EYA4: variants seen among roughly 807,000 people sequenced by gnomAD.
The protein encoded by EYA4 is EYA transcriptional coactivator and phosphatase 4, also known as protein phosphatase EYA4.
Under a neutral mutation model 87.9 loss-of-function variants are expected in EYA4, and 31 were observed. The ratio of observed to expected loss-of-function variants is 0.35; its 90% CI spans 0.27 to 0.48. The LOEUF is 0.48. Among genes scored for constraint, EYA4 ranks in the 20% least tolerant of loss-of-function variants. The pLI is 0.99. For missense variants in EYA4, 678 were observed against 761.4 expected, an observed-to-expected ratio of 0.89 and a Z score of 1.29; for synonymous variants, 263 against 270.6, an observed-to-expected ratio of 0.97 and a Z score of 0.28.
intron 13 of EYA4, among the ~76,000 whole-genome samples, chr6:133,491,533 A>G (rs1025619543): frequency 1.2e-4 from 19 of 152,316 alleles, no homozygotes; most frequent in Admixed American, 1.2e-3. Context: ...CTACATGCCA[A>G]TAAACTGGAA....
intron 19 of EYA4, among the ~76,000 whole-genome samples, chr6:133,525,459 G>A (rs938778299): frequency 5.3e-5 from 8 of 152,158 alleles, no homozygotes; most frequent in African/African-American, 1.7e-4. Flanking sequence ...AGGAAATGCA[G>A]GGAAATTTAG....
At chr6:133,285,672 T>A (rs1013829244) in intron 2 of EYA4, among the ~76,000 whole-genome samples, 2 of 152,194 alleles carry the variant, frequency 1.3e-5, no homozygotes, top group African/African-American at 4.8e-5. Flanking sequence ...AAATAGACTA[T>A]GATGACAAGA....
chr6:133,495,830 C>G (rs938236922), intron 13 of EYA4, among the ~76,000 whole-genome samples: 4 of 152,156 alleles, frequency 2.6e-5, no homozygotes, highest in African/African-American at 9.7e-5. Flanking sequence ...GCATTTGGAA[C>G]AAATTTCCAG....
chr6:133,406,754 A>G (rs149220513), intron 3 of EYA4, among the ~76,000 whole-genome samples: 4 of 152,312 alleles, frequency 2.6e-5, no homozygotes, highest in African/African-American at 9.6e-5. Context: ...AATAATTTCC[A>G]AGTGTACTAT....
intron 2 of EYA4, among the ~76,000 whole-genome samples, chr6:133,336,989 C>CT (rs1433218220): frequency 1.3e-5 from 2 of 152,192 alleles, no homozygotes; most frequent in African/African-American, 4.8e-5. Flanking sequence ...CTAACTACAG[C>CT]TGTTGGGTAA....
intron 2 of EYA4, among the ~76,000 whole-genome samples, chr6:133,318,881 C>T (rs538608549): frequency 2.0e-5 from 3 of 152,244 alleles, no homozygotes; most frequent in East Asian, 1.9e-4. Flanking sequence ...ATGGTTTTTA[C>T]GCACGCACTA....
At chr6:133,310,423 A>T (rs1419331656) in intron 2 of EYA4, among the ~76,000 whole-genome samples, 1 of 152,200 alleles carries the variant, frequency 6.6e-6, no homozygotes, top group Non-Finnish European at 1.5e-5. Context: ...TAATCATTTG[A>T]CATATAATTT....
rs1801003827 is a variant in EYA4 at position 133,531,422 on chromosome 6, C to T, written c.*2617C>T. ...AACTGAACAAACACAAAACCAACCC[C>T]TTGGCAGTTCCCACCTCCTATTGAC... On this transcript the variant is annotated 3_prime_UTR_variant, in exon 20 of 20. Coordinates refer to ENST00000355286, the MANE Select transcript of EYA4 (RefSeq NM_004100.5). The T allele has an allele frequency of 1.8e-6, 1 of 554,558 alleles. No homozygotes were observed. Among genetic ancestry groups the T allele is most frequent in the South Asian group, 2.4e-5 (1 of 41,488 alleles). The allele number at this position is 554,558 out of a possible 1,614,324, so 34.4% of individuals were successfully genotyped here.
intron 5 of EYA4, among the ~76,000 whole-genome samples, chr6:133,454,999 C>T (rs1793780570): frequency 6.6e-6 from 1 of 151,996 alleles, no homozygotes; most frequent in Admixed American, 6.6e-5. Context: ...GCTTTTCAGC[C>T]CCCCTGAACT....
intron 3 of EYA4, among the ~76,000 whole-genome samples, chr6:133,431,833 A>T (rs892151723): frequency 1.6e-4 from 24 of 152,198 alleles, no homozygotes; most frequent in Admixed American, 2.6e-4. Context: ...TGCAATATTT[A>T]AAAACTTTTT....
chr6:133,519,606 A>G (rs1799924862), intron 17 of EYA4, among the ~76,000 whole-genome samples: 2 of 151,530 alleles, frequency 1.3e-5, no homozygotes, highest in Middle Eastern at 3.2e-3. Context: ...AACTATTCCA[A>G]TCAATAGAAA....
At chr6:133,463,613 G>A (rs988530065) in intron 9 of EYA4, among the ~76,000 whole-genome samples, 1 of 151,942 alleles carries the variant, frequency 6.6e-6, no homozygotes, top group Non-Finnish European at 1.5e-5. Flanking sequence ...CGCCCGCCAC[G>A]GCCTCCCAAA....
At chr6:133,459,111 T>C (rs759485392) in intron 6 of EYA4, among the ~76,000 whole-genome samples, 6 of 152,150 alleles carry the variant, frequency 3.9e-5, no homozygotes, top group Non-Finnish European at 7.4e-5. Context: ...TCTTTTCAGT[T>C]ATCTGCAAAT....
chr6:133,302,519 A>G (rs1779489697), intron 2 of EYA4, among the ~76,000 whole-genome samples: 1 of 152,216 alleles, frequency 6.6e-6, no homozygotes, highest in African/African-American at 2.4e-5. Flanking sequence ...TACTCTAGAA[A>G]CAAAATTGTT....
chr6:133,330,316 C>A (rs1238365171), intron 2 of EYA4, among the ~76,000 whole-genome samples: 1 of 151,904 alleles, frequency 6.6e-6, no homozygotes, highest in African/African-American at 2.4e-5. Context: ...TGCTAATTAG[C>A]CAATGAATAT....
At chr6:133,304,706 A>G (rs1018685774) in intron 2 of EYA4, among the ~76,000 whole-genome samples, 2 of 152,156 alleles carry the variant, frequency 1.3e-5, no homozygotes, top group African/African-American at 4.8e-5. Context: ...TGAATGTCAG[A>G]CACCTTCTCT....
intron 12 of EYA4, among the ~76,000 whole-genome samples, chr6:133,482,142 T>C (rs916019185): frequency 6.6e-6 from 1 of 152,246 alleles, no homozygotes; most frequent in Non-Finnish European, 1.5e-5. Flanking sequence ...AGGGTTGATT[T>C]TTATATACAA....
intron 3 of EYA4, among the ~76,000 whole-genome samples, chr6:133,415,481 C>T (rs540634584): frequency 1.1e-4 from 17 of 152,126 alleles, no homozygotes; most frequent in Non-Finnish European, 2.2e-4. Context: ...AGACGTGCCT[C>T]CTCTCACAGC....
intron 1 of EYA4, among the ~76,000 whole-genome samples, chr6:133,250,119 A>G (rs1774766230): frequency 6.6e-6 from 1 of 152,210 alleles, no homozygotes; most frequent in African/African-American, 2.4e-5. Flanking sequence ...GACTACCTCA[A>G]TAACAACCTC....
Sources: gnomAD v4.1 joint callset for allele counts (sites outside exome capture counted in the v4.1 genomes callset) on GRCh38, gnomAD v4.1.1 for gene constraint, MANE v1.5 for transcripts, NCBI Gene and HGNC (gene_info 2026-07-23, HGNC 2026-07-21) for gene names.